ACTG1: variants seen among roughly 807,000 people sequenced by gnomAD.
ACTG1 encodes actin gamma 1.
ACTG1 carries 14 observed loss-of-function variants against 34.3 expected under a neutral mutation model. The ratio of observed to expected loss-of-function variants is 0.41; its 90% CI spans 0.27 to 0.64. The LOEUF is 0.64. Ranked by LOEUF, ACTG1 falls within the 30% of genes least tolerant of loss-of-function variation. The pLI, the probability that ACTG1 is intolerant of heterozygous loss-of-function variation, is 0.33. For synonymous variants in ACTG1, 422 were observed against 213.9 expected, an observed-to-expected ratio of 1.97 and a Z score of -8.49; for missense variants, 233 against 529.5, an observed-to-expected ratio of 0.44 and a Z score of 5.50.
chr17:81,511,724 A>G (rs1555666884), intron 3 of ACTG1, 98 bp from the exon 4 acceptor site: 4 of 1,510,440 alleles, frequency 2.6e-6, no homozygotes, highest in African/African-American at 1.4e-5. Context: ...TGATGTGTGG[A>G]GAAAAGAAAA....
In ACTG1 at chr17:81,510,993, G is replaced by A. The variant is rs1139405; in HGVS notation, c.918C>T (p.Tyr306=). The change falls in exon 5 of 6, where the codon TAC becomes TAT. Residue 306 remains tyrosine, a synonymous_variant. Coordinates refer to ENST00000573283, the MANE Select transcript of ACTG1 (RefSeq NM_001614.5). ...NTVLSGGTTM[Y]PGIADRMQKE... is the part of the protein sequence containing the mutation. ...TCTGCATCCTGTCGGCAATGCCCGGGTACATGGTGGTGCCGCCCGACAGCA... is the reference window on the plus strand; with the variant it reads ...TCTGCATCCTGTCGGCAATGCCCGGATACATGGTGGTGCCGCCCGACAGCA... 1,292,919 of 1,613,832 alleles carry A rather than the reference G, an allele frequency of 0.8. 519,901 individuals carry two copies. Among genetic ancestry groups the A allele is most frequent in the East Asian group, 0.83 (37,051 of 44,866 alleles).
chr17:81,511,874 G>C, intron 3 of ACTG1, 29 bp downstream of exon 3: 2 of 1,613,846 alleles, frequency 1.2e-6, no homozygotes, highest in Non-Finnish European at 8.5e-7. Context: ...GAAAGGACGG[G>C]AGGAGCACGG....
In ACTG1 at chr17:81,511,355, A is replaced by G; in HGVS notation, c.635T>C (p.Ile212Thr). The change falls in exon 4 of 6, where the codon ATC (isoleucine) becomes ACC (threonine). Residue 212 changes from isoleucine to threonine, a missense_variant. Transcript: ENST00000573283. Reference sequence around the variant, plus strand: ...GGCGACGTAGCACAGCTTCTCCTTGATGTCGCGCACGATTTCCCGCTCGGC... The same window carrying G: ...GGCGACGTAGCACAGCTTCTCCTTGGTGTCGCGCACGATTTCCCGCTCGGC... ...TTAEREIVRDIKEKLCYVALD... is the reference protein window; with the variant it reads ...TTAEREIVRDTKEKLCYVALD... 1 of 1,613,862 alleles carries G rather than the reference A, an allele frequency of 6.2e-7. No homozygotes were observed. Among genetic ancestry groups the G allele is most frequent in the Non-Finnish European group, 8.5e-7 (1 of 1,180,026 alleles).
In ACTG1 at chr17:81,511,631, G is replaced by T; in HGVS notation, c.364-5C>A. The T allele has an allele frequency of 6.2e-7, 1 of 1,612,640 alleles. No individual in the cohort carries two copies. Among genetic ancestry groups the T allele is most frequent in the Non-Finnish European group, 8.5e-7 (1 of 1,179,536 alleles). The stretch of plus-strand genomic sequence containing the variant: ...GTTGAAGGTCTCAAACATAATCTGA[G>T]AAGGGACAAGGGGCGGCTTAGTCAG... On this transcript the variant is annotated splice_region_variant and splice_polypyrimidine_tract_variant and intron_variant, in intron 3 of 5. Transcript: ENST00000573283.
At chr17:81,511,781 A>T (rs2031802843) in intron 3 of ACTG1, 122 bp downstream of exon 3, 7 of 1,564,580 alleles carry the variant, frequency 4.5e-6, no homozygotes, top group Non-Finnish European at 6.1e-6. Context: ...TTCAGGGAGG[A>T]AATGCCGGGA....
rs781967441 is a variant in ACTG1, at chr17:81,511,094, C to T, written c.817G>A (p.Gly273Ser). 1.2e-6 allele frequency: 2 copies of T among 1,613,950 alleles called. No homozygotes were observed. The highest frequency in any genetic ancestry group is 1.7e-6 in the Non-Finnish European group (2 of 1,180,040). The change falls in exon 5 of 6, where the codon GGC becomes AGC. Residue 273 changes from glycine (G) to serine (S), a missense_variant. By Grantham distance (56) the Gly-to-Ser change is moderately conservative (BLOSUM62 0). Coordinates refer to ENST00000573283, the MANE Select transcript of ACTG1 (RefSeq NM_001614.5). ...QPSFLGMESCGIHETTFNSIM... is the reference protein window; with the variant it reads ...QPSFLGMESCSIHETTFNSIM... ...GAGTTGAAGGTGGTCTCGTGGATGC[C>T]GCAAGATTCCATACCTAGGGGACAG...
At position 81,510,110 on chromosome 17, in the gene ACTG1, T is replaced by C; in HGVS notation, c.*580A>G. ...AATTGCGTACAAAAAAAACCTTACA[T>C]AAATTAAGAATGAATACATTTACAG... is the stretch of plus-strand genomic sequence containing the variant. On this transcript the variant is annotated 3_prime_UTR_variant, in exon 6 of 6. Coordinates refer to ENST00000573283, the MANE Select transcript of ACTG1 (RefSeq NM_001614.5). 1 of 466,720 alleles carries C rather than the reference T, an allele frequency of 2.1e-6. No homozygotes were observed. Among genetic ancestry groups the C allele is most frequent in the South Asian group, 1.6e-5 (1 of 64,200 alleles). The allele number at this position is 466,720 out of a possible 1,614,324, so 28.9% of individuals were successfully genotyped here. A position where few individuals can be genotyped will look rare whatever the true frequency, so the allele number is the denominator to read the frequency against.
In ACTG1 at chr17:81,512,149, G is replaced by C. The variant is rs782660034; in HGVS notation, c.124-7C>G. Reference sequence around the variant, plus strand: ...CCATGCCCACCATGACGCCCTGCAGGGGACGACCCGTCAGCCTCGCCGGCG... The same window carrying C: ...CCATGCCCACCATGACGCCCTGCAGCGGACGACCCGTCAGCCTCGCCGGCG... On this transcript the variant is annotated splice_region_variant and splice_polypyrimidine_tract_variant and intron_variant, in intron 2 of 5. Coordinates refer to ENST00000573283, the MANE Select transcript of ACTG1 (RefSeq NM_001614.5). 2.5e-6 allele frequency: 4 copies of C among 1,613,398 alleles called. No individual in the cohort carries two copies. Among genetic ancestry groups the C allele is most frequent in the Non-Finnish European group, 3.4e-6 (4 of 1,180,034 alleles).
intron 1 of ACTG1, 83 bp from the exon 2 acceptor site, chr17:81,512,443 A>G (rs8064532): frequency 6.2e-7 from 1 of 1,609,054 alleles, no homozygotes; most frequent in Admixed American, 1.7e-5. Flanking sequence ...TCCCGCGGGG[A>G]AGCCTCGGCC....
At position 81,510,274 on chromosome 17, in the gene ACTG1, G is replaced by A; in HGVS notation, c.*416C>T. On this transcript the variant is annotated 3_prime_UTR_variant, in exon 6 of 6. Transcript: ENST00000573283. ...ACAGACCCGCAAGACAAAACAACTG[G>A]TTCTTGCCAGCCTCTAGAGAAATCC... 2.0e-6 allele frequency: 1 copy of A among 504,868 alleles called. No individual in the cohort carries two copies. The highest frequency in any genetic ancestry group is 3.6e-6 in the Non-Finnish European group (1 of 280,414). The allele number at this position is 504,868 out of a possible 1,614,324, so 31.3% of individuals were successfully genotyped here.
Position 81,510,537 on chromosome 17 carries a change from G to T in ACTG1, c.*153C>A. ...AATCAGCAACAAGTTCTACAATCCA[G>T]TGCTGATATCAGATACAAGCTTCAA... is the stretch of plus-strand genomic sequence containing the variant. On this transcript the variant is annotated 3_prime_UTR_variant, in exon 6 of 6. Transcript: ENST00000573283. 1.0e-6 allele frequency: 1 copy of T among 963,744 alleles called. No homozygotes were observed. Among genetic ancestry groups the T allele is most frequent in the East Asian group, 2.5e-5 (1 of 39,444 alleles). The allele number at this position is 963,744 out of a possible 1,614,324, so 59.7% of individuals were successfully genotyped here. A position where few individuals can be genotyped will look rare whatever the true frequency, so the allele number is the denominator to read the frequency against.
chr17:81,511,271 T>G lies in ACTG1; in HGVS notation c.719A>C (p.Tyr240Ser). The G allele has an allele frequency of 6.2e-7, 1 of 1,613,804 alleles. No homozygotes were observed. Among genetic ancestry groups the G allele is most frequent in the East Asian group, 2.2e-5 (1 of 44,882 alleles). ...GATGACCTGGCCATCGGGCAGCTCGTAGCTCTTCTCCAGAGAAGAGGAGGA... is the reference window on the plus strand; with the variant it reads ...GATGACCTGGCCATCGGGCAGCTCGGAGCTCTTCTCCAGAGAAGAGGAGGA... ...AASSSSLEKSYELPDGQVITI... is the reference protein window; with the variant it reads ...AASSSSLEKSSELPDGQVITI... The change falls in exon 4 of 6, where the codon TAC becomes TCC. Residue 240 changes from tyrosine (Y) to serine (S), a missense_variant. Physicochemically the swap from Tyr to Ser is moderately radical, Grantham distance 144. Transcript: ENST00000573283.
At position 81,512,065 on chromosome 17, in the gene ACTG1, C is replaced by T. The variant is rs782754511; in HGVS notation, c.201G>A (p.Leu67=). 6.2e-6 allele frequency: 10 copies of T among 1,614,010 alleles called. No homozygotes were observed. In the South Asian group the frequency reaches 9.9e-5, roughly 16 times the overall value. ...EAQSKRGILT[L]KYPIEHGIVT... Reference sequence around the variant, plus strand: ...CGATGCCATGCTCAATGGGGTACTTCAGGGTCAGGATGCCACGCTTGCTCT... The same window carrying T: ...CGATGCCATGCTCAATGGGGTACTTTAGGGTCAGGATGCCACGCTTGCTCT... The change falls in exon 3 of 6, where the codon CTG becomes CTA. Residue 67 remains leucine (L), a synonymous_variant. Transcript: ENST00000573283.
At chr17:81,512,183 C>A in intron 2 of ACTG1, 41 bp from the exon 3 acceptor site, 1 of 1,613,362 alleles carries the variant, frequency 6.2e-7, no homozygotes, top group Non-Finnish European at 8.5e-7. Context: ...CGACACCGAA[C>A]CCACCCCGCA....
At chr17:81,512,524 T>A in intron 1 of ACTG1, 164 bp from the exon 2 acceptor site, 1 of 1,151,182 alleles carries the variant, frequency 8.7e-7, no homozygotes, top group South Asian at 1.3e-5. Flanking sequence ...GCCTTTTACG[T>A]AACGTCCACG....
Position 81,512,562 on chromosome 17 carries a change from C to A in ACTG1, c.-7+172G>T, listed in dbSNP as rs926523168. The A allele has an allele frequency of 1.6e-5, 13 of 830,236 alleles. No individual in the cohort carries two copies. The African/African-American group carries it at 2.0e-4, about 13-fold the overall frequency. The allele number at this position is 830,236 out of a possible 1,614,324, so 51.4% of individuals were successfully genotyped here. ...TCGGAAGTCTGCACTGCGGCCGGGC[C>A]CCGCCCTGGACCCCCGGCGCCCCCC... On this transcript the variant is annotated intron_variant, in intron 1 of 5. Transcript: ENST00000573283.
rs1444172034 is a variant in ACTG1, at chr17:81,510,081, C to A, written c.*609G>T. 4 of 457,120 alleles carry A rather than the reference C, an allele frequency of 8.8e-6. No homozygotes were observed. Among genetic ancestry groups the A allele is most frequent in the African/African-American group, 6.0e-5 (3 of 49,852 alleles). The allele number at this position is 457,120 out of a possible 1,614,324, so 28.3% of individuals were successfully genotyped here. A position where few individuals can be genotyped will look rare whatever the true frequency, so the allele number is the denominator to read the frequency against. The stretch of plus-strand genomic sequence containing the variant: ...ATTTGTTGTCATCTCTTCAAAGAAT[C>A]GAGAATTGCGTACAAAAAAAACCTT... On this transcript the variant is annotated 3_prime_UTR_variant, in exon 6 of 6. Coordinates refer to ENST00000573283, the MANE Select transcript of ACTG1 (RefSeq NM_001614.5).
rs373618606 is a variant in ACTG1, at chr17:81,512,148, G to A, written c.124-6C>T. 1.1e-5 allele frequency: 18 copies of A among 1,613,408 alleles called. No individual in the cohort carries two copies. In the African/African-American group the frequency reaches 2.1e-4, roughly 19 times the overall value. ...CCCATGCCCACCATGACGCCCTGCA[G>A]GGGACGACCCGTCAGCCTCGCCGGC... is the stretch of plus-strand genomic sequence containing the variant. On this transcript the variant is annotated splice_region_variant and splice_polypyrimidine_tract_variant and intron_variant, in intron 2 of 5. Transcript: ENST00000573283.
rs375907911 is a variant in ACTG1, at chr17:81,511,635, G to A, written c.364-9C>T. The A allele has an allele frequency of 4.3e-5, 69 of 1,612,204 alleles. No individual in the cohort carries two copies. The highest frequency in any genetic ancestry group is 5.5e-5 in the South Asian group (5 of 90,950). On this transcript the variant is annotated splice_polypyrimidine_tract_variant and intron_variant, in intron 3 of 5. Coordinates refer to ENST00000573283, the MANE Select transcript of ACTG1 (RefSeq NM_001614.5). ...AAGGTCTCAAACATAATCTGAGAAG[G>A]GACAAGGGGCGGCTTAGTCAGGGAC...
Sources: allele counts gnomAD v4.1 joint callset, GRCh38; gene constraint gnomAD v4.1.1; transcripts MANE v1.5; gene names NCBI Gene and HGNC (gene_info 2026-07-23, HGNC 2026-07-21).